The following CRB1 variants were observed in gnomAD, a reference collection of about 807,000 sequenced individuals.
The protein encoded by CRB1 is protein crumbs homolog 1.
In CRB1, 83 loss-of-function variants were observed where a neutral mutation model predicts 120.0. The ratio of observed to expected loss-of-function variants is 0.69; its 90% CI spans 0.58 to 0.83. The LOEUF (loss-of-function observed/expected upper bound fraction) is 0.83. CRB1 is among the 40% of genes least tolerant of loss of function. The pLI, the probability that CRB1 is intolerant of heterozygous loss-of-function variation, is 0.00. For synonymous variants in CRB1, 625 were observed against 612.5 expected (o/e 1.02, Z -0.30); for missense variants, 1,699 against 1,687.6 (o/e 1.01, Z -0.12).
At chr1:197,344,521 C>T in intron 3 of CRB1, 45 bp downstream of exon 3, 1 of 1,557,862 alleles carries the variant, frequency 6.4e-7, no homozygotes, top group Non-Finnish European at 8.9e-7. Context: ...AACTCCCTGA[C>T]CATGAACTAT....
intron 5 of CRB1, among the ~76,000 whole-genome samples, chr1:197,379,338 C>T (rs544445628): frequency 1.0e-3 from 151 of 151,304 alleles, no homozygotes; most frequent in African/African-American, 3.3e-3. Context: ...CTCGCTTTGT[C>T]GCCCAGGCTG....
intron 5 of CRB1, among the ~76,000 whole-genome samples, chr1:197,390,818 G>T (rs920658444): frequency 6.6e-6 from 1 of 151,896 alleles, no homozygotes; most frequent in African/African-American, 2.4e-5. Flanking sequence ...CTTGGTGATT[G>T]ATCTCTTTTT....
At chr1:197,434,575 A>T (rs1665029774) in intron 8 of CRB1, 131 bp from the exon 9 acceptor site, 2 of 788,568 alleles carry the variant, frequency 2.5e-6, no homozygotes, top group Admixed American at 2.5e-5. Flanking sequence ...AGCAACTAGC[A>T]CAGTATGTAA....
chr1:197,391,581 T>C (rs1053007404), intron 5 of CRB1, among the ~76,000 whole-genome samples: 8 of 152,082 alleles, frequency 5.3e-5, no homozygotes, highest in Non-Finnish European at 1.2e-4. Flanking sequence ...GCAAGCACCA[T>C]ATATAACACC....
At chr1:197,403,483 A>G (rs1663170685) in intron 5 of CRB1, among the ~76,000 whole-genome samples, 1 of 152,192 alleles carries the variant, frequency 6.6e-6, no homozygotes, top group Non-Finnish European at 1.5e-5. Context: ...ATGAGGAAGC[A>G]TGTAGATAGA....
chr1:197,239,222 A>G, the CRB1 span, among the ~76,000 whole-genome samples: 2 of 152,128 alleles, frequency 1.3e-5, no homozygotes, highest in Non-Finnish European at 2.9e-5. Context: ...GAAGTCAATT[A>G]GATTATATTG....
chr1:197,476,362 TTGTGTGTGTGTGTGTG>T (rs35012815), intron 11 of CRB1, among the ~76,000 whole-genome samples: 2 of 140,380 alleles, frequency 1.4e-5, no homozygotes, highest in Admixed American at 1.5e-4. Flanking sequence ...TTATGATTAT[TTGTGTGTGTGTGTGTG>T]TGTGTGTGTG....
chr1:197,267,933 A>C (rs140965009), upstream of CRB1, among the ~76,000 whole-genome samples: 1,093 of 152,334 alleles, frequency 7.2e-3, 15 homozygotes, highest in African/African-American at 0.023. Flanking sequence ...TGAACAGAAA[A>C]GATTACTTGT....
rs566291466 is a variant in CRB1, at chr1:197,342,121, C to T, written c.653-2160C>T. Reference sequence around the variant, plus strand: ...CATGCTTTTGGAATTCTGTGAGCTTCTTATTCTCAGTCACCTTCATCTTTA... The same window carrying T: ...CATGCTTTTGGAATTCTGTGAGCTTTTTATTCTCAGTCACCTTCATCTTTA... On this transcript the variant is annotated intron_variant, in intron 2 of 11. Transcript: ENST00000367400. Among the ~76,000 whole-genome samples the T allele has an allele frequency of 1.8e-4, 27 of 152,340 alleles. No individual in the cohort carries two copies. The South Asian group carries it at 5.6e-3, about 32-fold the overall frequency.
Position 197,327,128 on chromosome 1 carries a change from A to T in CRB1, c.71-1294A>T, listed in dbSNP as rs1309707840. ...AAAAAAAAAAAAAAAAAAAAAAAAA[A>T]AAAACAGAAACCAAGGCTGGGAGAG... On this transcript the variant is annotated intron_variant, in intron 1 of 11. Coordinates refer to ENST00000367400, the MANE Select transcript of CRB1 (RefSeq NM_201253.3). Among the ~76,000 whole-genome samples the T allele has an allele frequency of 8.7e-5, 13 of 149,846 alleles. 1 individual carries two copies. Among genetic ancestry groups the T allele is most frequent in the African/African-American group, 3.2e-4 (13 of 40,710 alleles).
the CRB1 span, among the ~76,000 whole-genome samples, chr1:197,259,282 T>A: frequency 5.1e-4 from 77 of 152,360 alleles, no homozygotes; most frequent in African/African-American, 1.8e-3. Context: ...TCAATCCAAA[T>A]GCCCATCAAT....
intron 1 of CRB1, among the ~76,000 whole-genome samples, chr1:197,277,610 CATT>C (rs772612585): frequency 7.9e-5 from 12 of 151,902 alleles, no homozygotes; most frequent in Non-Finnish European, 1.8e-4. Flanking sequence ...ATAGGTGATG[CATT>C]ATTATTATTG....
At chr1:197,404,357 G>A (rs1018877287) in intron 5 of CRB1, among the ~76,000 whole-genome samples, 1 of 147,534 alleles carries the variant, frequency 6.8e-6, no homozygotes. Flanking sequence ...CAGGAGAATG[G>A]CATGAACCCG....
chr1:197,408,219 A>C (rs1663519418), intron 5 of CRB1, among the ~76,000 whole-genome samples: 1 of 152,168 alleles, frequency 6.6e-6, no homozygotes, highest in Non-Finnish European at 1.5e-5. Context: ...AATAGAAGGC[A>C]TTTCAATATG....
the CRB1 span, among the ~76,000 whole-genome samples, chr1:197,232,093 G>A: frequency 0.017 from 2,522 of 152,274 alleles, 35 homozygotes; most frequent in Non-Finnish European, 0.021. Flanking sequence ...GACAATGGAA[G>A]TAGGGGTTGG....
At chr1:197,347,266 T>C (rs1341728782) in intron 3 of CRB1, 74 bp from the exon 4 acceptor site, 13 of 1,377,018 alleles carry the variant, frequency 9.4e-6, no homozygotes, top group South Asian at 4.6e-5. Flanking sequence ...TGATAGACAG[T>C]TGAAGAAACA....
chr1:197,304,272 ATAAGT>A, intron 1 of CRB1: 1 of 300,860 alleles, frequency 3.3e-6, no homozygotes. Flanking sequence ...ATTTTTTAAC[ATAAGT>A]TAAATGCAAT....
intron 11 of CRB1, among the ~76,000 whole-genome samples, chr1:197,470,812 C>A (rs1666948465): frequency 6.6e-6 from 1 of 152,228 alleles, no homozygotes; most frequent in Admixed American, 6.5e-5. Flanking sequence ...CTACTTCTAG[C>A]TAGCATTGTG....
chr1:197,271,643 A>G (rs542067818), intron 1 of CRB1, among the ~76,000 whole-genome samples: 1 of 152,336 alleles, frequency 6.6e-6, no homozygotes, highest in Admixed American at 6.5e-5. Flanking sequence ...ATGTATTAAA[A>G]GAGAAACTTA....
Sources: allele counts gnomAD v4.1 joint callset (sites outside exome capture counted in the v4.1 genomes callset), GRCh38; gene constraint gnomAD v4.1.1; transcripts MANE v1.5; gene names NCBI Gene and HGNC (gene_info 2026-07-23, HGNC 2026-07-21).